HCN1: variants seen among roughly 807,000 people sequenced by gnomAD.
HCN1 encodes hyperpolarization activated cyclic nucleotide gated potassium channel 1.
A neutral mutation model predicts 78.9 loss-of-function variants in HCN1; 13 were observed. That is an observed-to-expected ratio of 0.16 (90% confidence interval 0.11 to 0.26). HCN1 has a LOEUF of 0.26. Among genes scored for constraint, HCN1 ranks in the 10% least tolerant of loss-of-function variants. The pLI is 1.00. For missense variants in HCN1, 810 were observed against 1,154.3 expected (o/e 0.70, Z 4.32); for synonymous variants, 552 against 455.5 (o/e 1.21, Z -2.70).
In HCN1 at chr5:45,325,630, T is replaced by G. The variant is rs952588741; in HGVS notation, c.1378-21791A>C. 2.0e-5 allele frequency among the ~76,000 whole-genome samples: 3 copies of G among 151,696 alleles called. No homozygotes were observed. The East Asian group carries it at 5.8e-4, about 29-fold the overall frequency. ...AGCATTTCCAATGGACTTATATTAA[T>G]CTGGTGGTTTGTCTTCTAAATTGCA... On this transcript the variant is annotated intron_variant, in intron 5 of 7. Coordinates refer to ENST00000303230, the MANE Select transcript of HCN1 (RefSeq NM_021072.4).
chr5:45,353,943 T>C (rs1746961956), intron 4 of HCN1, among the ~76,000 whole-genome samples: 1 of 151,936 alleles, frequency 6.6e-6, no homozygotes, highest in East Asian at 1.9e-4. Flanking sequence ...GGGAGGGCAT[T>C]GCTTTTTTGG....
chr5:45,514,178 A>G (rs1374685419), intron 2 of HCN1, among the ~76,000 whole-genome samples: 2 of 152,154 alleles, frequency 1.3e-5, no homozygotes, highest in African/African-American at 2.4e-5. Context: ...AAAAAGCCAT[A>G]ACAATTTATA....
intron 2 of HCN1, among the ~76,000 whole-genome samples, chr5:45,544,660 C>G (rs187981465): frequency 1.4e-5 from 2 of 141,402 alleles, no homozygotes; most frequent in African/African-American, 2.6e-5. Flanking sequence ...TCCAAGTGTT[C>G]TCACTGTTCA....
chr5:45,654,437 A>G (rs1249627191), intron 1 of HCN1, among the ~76,000 whole-genome samples: 1 of 152,112 alleles, frequency 6.6e-6, no homozygotes, highest in Non-Finnish European at 1.5e-5. Flanking sequence ...CATTTGATGG[A>G]CCACTGAGTG....
chr5:45,300,984 T>TA (rs1745604327), intron 6 of HCN1, among the ~76,000 whole-genome samples: 1 of 152,074 alleles, frequency 6.6e-6, no homozygotes, highest in Non-Finnish European at 1.5e-5. Flanking sequence ...TTTCCTTAAT[T>TA]GGTGAGCAGG....
intron 6 of HCN1, among the ~76,000 whole-genome samples, chr5:45,283,054 C>CATAAAG (rs879664504): frequency 5.9e-5 from 9 of 152,028 alleles, no homozygotes; most frequent in Non-Finnish European, 1.2e-4. Context: ...TTCCTACTTT[C>CATAAAG]CCCAAATGAA....
intron 2 of HCN1, among the ~76,000 whole-genome samples, chr5:45,580,818 T>A (rs888549405): frequency 5.9e-5 from 9 of 152,172 alleles, no homozygotes; most frequent in African/African-American, 2.2e-4. Context: ...GATAGTTTGC[T>A]GAGAATGATG....
At chr5:45,348,711 A>G (rs1265615402) in intron 5 of HCN1, among the ~76,000 whole-genome samples, 3 of 152,124 alleles carry the variant, frequency 2.0e-5, no homozygotes, top group African/African-American at 7.2e-5. Flanking sequence ...AAAAAAGGCA[A>G]GGGTTGCAAT....
chr5:45,345,447 C>T (rs984409150), intron 5 of HCN1, among the ~76,000 whole-genome samples: 3 of 152,182 alleles, frequency 2.0e-5, no homozygotes, highest in African/African-American at 7.2e-5. Context: ...TTTTCTACTA[C>T]ATGGTCACGC....
intron 5 of HCN1, among the ~76,000 whole-genome samples, chr5:45,308,796 G>C (rs1488875768): frequency 1.3e-5 from 2 of 152,066 alleles, no homozygotes; most frequent in Non-Finnish European, 2.9e-5. Context: ...AAGTTGTGTA[G>C]CATGATGCCT....
chr5:45,678,646 A>G (rs1227746315), intron 1 of HCN1, among the ~76,000 whole-genome samples: 2 of 151,938 alleles, frequency 1.3e-5, no homozygotes, highest in African/African-American at 4.8e-5. Flanking sequence ...CTTAAGCACC[A>G]CCATTCAAAA....
intron 1 of HCN1, among the ~76,000 whole-genome samples, chr5:45,645,935 T>C (rs1191427204): frequency 6.6e-6 from 1 of 151,938 alleles, no homozygotes. Context: ...ATACAAAATA[T>C]AGACAGAAAC....
intron 3 of HCN1, among the ~76,000 whole-genome samples, chr5:45,415,096 G>A (rs1210731833): frequency 6.6e-6 from 1 of 151,954 alleles, no homozygotes; most frequent in Non-Finnish European, 1.5e-5. Flanking sequence ...CTTGGACTTT[G>A]ATTCTGCCTC....
chr5:45,623,370 T>C (rs577922505), intron 2 of HCN1, among the ~76,000 whole-genome samples: 82 of 152,304 alleles, frequency 5.4e-4, no homozygotes, highest in African/African-American at 1.6e-3. Context: ...AAGTTCACTT[T>C]GTCTCTTCAT....
chr5:45,676,671 A>G (rs564779464), intron 1 of HCN1, among the ~76,000 whole-genome samples: 1 of 151,990 alleles, frequency 6.6e-6, no homozygotes, highest in African/African-American at 2.4e-5. Flanking sequence ...CAGTCTCAAG[A>G]TAATGAGATA....
intron 2 of HCN1, among the ~76,000 whole-genome samples, chr5:45,494,148 C>T (rs937937640): frequency 3.3e-5 from 5 of 152,144 alleles, no homozygotes; most frequent in East Asian, 1.9e-4. Flanking sequence ...ATGGTATTTC[C>T]AGTTCTAGAT....
At chr5:45,415,301 T>C (rs887948395) in intron 3 of HCN1, among the ~76,000 whole-genome samples, 1 of 152,040 alleles carries the variant, frequency 6.6e-6, no homozygotes, top group African/African-American at 2.4e-5. Context: ...AGTCCATTCT[T>C]CAAAGCATCT....
chr5:45,278,402 A>C (rs1462467355), intron 6 of HCN1, among the ~76,000 whole-genome samples: 1 of 152,146 alleles, frequency 6.6e-6, no homozygotes, highest in East Asian at 1.9e-4. Context: ...ATAACAGAAA[A>C]AATTTATTAG....
intron 6 of HCN1, among the ~76,000 whole-genome samples, chr5:45,272,101 G>A (rs1449528449): frequency 6.6e-6 from 1 of 152,044 alleles, no homozygotes; most frequent in Admixed American, 6.6e-5. Flanking sequence ...TAAACTTTCT[G>A]ATCAAAGAGG....
Sources: allele counts gnomAD v4.1 joint callset (sites outside exome capture counted in the v4.1 genomes callset), GRCh38; gene constraint gnomAD v4.1.1; transcripts MANE v1.5; gene names NCBI Gene and HGNC (gene_info 2026-07-23, HGNC 2026-07-21).